Variants in BAAT observed in about 807,000 individuals in gnomAD.
BAAT encodes the protein bile acid-CoA:amino acid N-acyltransferase, also known as bile acid CoA: amino acid N-acyltransferase (glycine N-choloyltransferase).
Under a neutral mutation model 18.9 loss-of-function variants are expected in BAAT, and 13 were observed. That is an observed-to-expected ratio of 0.69 (90% CI 0.45 to 1.10). The LOEUF (loss-of-function observed/expected upper bound fraction) is 1.10, where lower values mean the gene tolerates loss of function less well. BAAT is among the 50% of genes least tolerant of loss of function. BAAT has a pLI of 0.00. For synonymous variants in BAAT, 170 were observed against 190.7 expected, an observed-to-expected ratio of 0.89 and a Z score of 0.89; for missense variants, 489 against 504.0, an observed-to-expected ratio of 0.97 and a Z score of 0.28.
rs749909768 is a variant in BAAT at position 101,371,447 on chromosome 9, C to T, written c.-43G>A. 1.3e-6 allele frequency: 2 copies of T among 1,562,854 alleles called. No homozygotes were observed. Among genetic ancestry groups the T allele is most frequent in the Non-Finnish European group, 1.7e-6 (2 of 1,147,208 alleles). ...TGGGATGATTCTTCAGGAATATCTTCAGCAAAACCTCAAAACCTCAAAAAA... is the reference window on the plus strand; with the variant it reads ...TGGGATGATTCTTCAGGAATATCTTTAGCAAAACCTCAAAACCTCAAAAAA... On this transcript the variant is annotated 5_prime_UTR_variant, in exon 2 of 4. Coordinates refer to ENST00000259407, the MANE Select transcript of BAAT (RefSeq NM_001701.4).
At chr9:101,363,373 G>T (rs1016348021) in intron 3 of BAAT, among the ~76,000 whole-genome samples, 3 of 152,114 alleles carry the variant, frequency 2.0e-5, no homozygotes, top group Admixed American at 2.0e-4. Flanking sequence ...CAGAGGAAAG[G>T]GCACCTTGTA....
intron 3 of BAAT, among the ~76,000 whole-genome samples, chr9:101,366,940 C>T (rs574877323): frequency 1.1e-4 from 17 of 151,150 alleles, no homozygotes; most frequent in Admixed American, 1.1e-3. Flanking sequence ...GGCAAAACCC[C>T]GTCTCTACTA....
chr9:101,376,496 A>G (rs1383809460), intron 1 of BAAT: 3 of 152,984 alleles, frequency 2.0e-5, no homozygotes, highest in Non-Finnish European at 4.4e-5. Context: ...GTTTGATGAT[A>G]TCATCCAAAG....
At chr9:101,372,308 AC>A (rs1443306727) in intron 1 of BAAT, among the ~76,000 whole-genome samples, 10 of 140,226 alleles carry the variant, frequency 7.1e-5, no homozygotes, top group Non-Finnish European at 1.4e-4. Flanking sequence ...AAAAAAAAAA[AC>A]CCAGAAGGAT....
Position 101,368,190 on chromosome 9 carries a change from G to A in BAAT, c.599C>T (p.Pro200Leu). ...ALAYHNYEDL[P>L]RKPEVTDLEY... ...CAAATCTGTTACTTCTGGTTTGCGGGGCAGGTCTTCATAGTTATGGTAAGC... is the reference window on the plus strand; with the variant it reads ...CAAATCTGTTACTTCTGGTTTGCGGAGCAGGTCTTCATAGTTATGGTAAGC... The change falls in exon 3 of 4, where the codon CCC becomes CTC. Residue 200 changes from proline to leucine, a missense_variant. Transcript: ENST00000259407. 1 of 1,614,154 alleles carries A rather than the reference G, an allele frequency of 6.2e-7. No individual in the cohort carries two copies. The highest frequency in any genetic ancestry group is 8.5e-7 in the Non-Finnish European group (1 of 1,180,006).
At chr9:101,363,205 C>T (rs1829768384) in intron 3 of BAAT, among the ~76,000 whole-genome samples, 190 bp from the exon 4 acceptor site, 2 of 152,100 alleles carry the variant, frequency 1.3e-5, no homozygotes, top group South Asian at 4.1e-4. Context: ...ATATGTCAAG[C>T]TTTACCGACT....
Position 101,361,231 on chromosome 9 carries a change from C to T in BAAT, c.*1197G>A, listed in dbSNP as rs1363465128. ...TGAATTAGCAGATGTTTGTATGTCT[C>T]TAGATATTTAACTGACCCACTATAT... On this transcript the variant is annotated 3_prime_UTR_variant, in exon 4 of 4. Transcript: ENST00000259407. 1.9e-5 allele frequency: 3 copies of T among 154,228 alleles called. No individual in the cohort carries two copies. Among genetic ancestry groups the T allele is most frequent in the Non-Finnish European group, 4.4e-5 (3 of 68,024 alleles). The allele number at this position is 154,228 out of a possible 1,614,324, so 9.6% of individuals were successfully genotyped here.
intron 3 of BAAT, among the ~76,000 whole-genome samples, chr9:101,366,937 C>T (rs1020451678): frequency 2.0e-5 from 3 of 151,148 alleles, no homozygotes; most frequent in African/African-American, 2.4e-5. Flanking sequence ...TATGGCAAAA[C>T]CCCGTCTCTA....
At chr9:101,363,451 G>A (rs1294875910) in intron 3 of BAAT, among the ~76,000 whole-genome samples, 1 of 151,898 alleles carries the variant, frequency 6.6e-6, no homozygotes, top group Non-Finnish European at 1.5e-5. Context: ...GATTTGCTTT[G>A]TTTTTTCCAA....
intron 1 of BAAT, among the ~76,000 whole-genome samples, chr9:101,382,876 C>T (rs1375126280): frequency 6.6e-6 from 1 of 152,094 alleles, no homozygotes; most frequent in Non-Finnish European, 1.5e-5. Context: ...CTTATACTTG[C>T]TTTTTTTGGT....
Position 101,362,631 on chromosome 9 carries a change from A to G in BAAT, c.1054T>C (p.Trp352Arg), listed in dbSNP as rs1205997279. The G allele has an allele frequency of 6.2e-7, 1 of 1,614,170 alleles. No individual in the cohort carries two copies. Among genetic ancestry groups the G allele is most frequent in the Non-Finnish European group, 8.5e-7 (1 of 1,180,028 alleles). Residue 352 changes from tryptophan to arginine, a missense_variant, in exon 4 of 4, where the codon TGG becomes CGG. Trp to Arg is a moderately radical substitution (Grantham distance 101). Transcript: ENST00000259407. ...GCCCCAGGGTAAGATAGCAGGGTCC[A>G]GTTGTTCTTCCCATGTCTCTTCAGC... is the stretch of plus-strand genomic sequence containing the variant. ...GQLKRHGKNN[W>R]TLLSYPGAGH...
rs576303165 is a variant in BAAT, at chr9:101,377,454, G to T, written c.-59-5991C>A. Among the ~76,000 whole-genome samples, 3 of 152,316 alleles carry T rather than the reference G, an allele frequency of 2.0e-5. No homozygotes were observed. In the South Asian group the frequency reaches 6.2e-4, roughly 32 times the overall value. On this transcript the variant is annotated intron_variant, in intron 1 of 3. Coordinates refer to ENST00000259407, the MANE Select transcript of BAAT (RefSeq NM_001701.4). Reference sequence around the variant, plus strand: ...TGGGAACCCAGAGGTTTTTTCACAAGAGAGGGTAAAATGGTCTGGGGGTGG... The same window carrying T: ...TGGGAACCCAGAGGTTTTTTCACAATAGAGGGTAAAATGGTCTGGGGGTGG...
At chr9:101,382,789 A>G (rs990196013) in intron 1 of BAAT, among the ~76,000 whole-genome samples, 10 of 152,220 alleles carry the variant, frequency 6.6e-5, no homozygotes, top group Non-Finnish European at 1.2e-4. Context: ...ATTTATTTCT[A>G]TACAAATATC....
chr9:101,369,583 C>T (rs761028275), intron 2 of BAAT, among the ~76,000 whole-genome samples: 7 of 152,178 alleles, frequency 4.6e-5, no homozygotes, highest in Non-Finnish European at 1.0e-4. Context: ...TAAACCAGCA[C>T]ATCATCCCAA....
chr9:101,383,199 A>G lies in BAAT; in HGVS notation c.-60+1656T>C, dbSNP rs117208323. Among the ~76,000 whole-genome samples, 155 of 152,328 alleles carry G rather than the reference A, an allele frequency of 1.0e-3. 2 individuals are homozygous for G. The East Asian group carries it at 0.02, about 20-fold the overall frequency. On this transcript the variant is annotated intron_variant, in intron 1 of 3. Coordinates refer to ENST00000259407, the MANE Select transcript of BAAT (RefSeq NM_001701.4). ...CTTCTGATAGCCTTTCATTTTCCTC[A>G]GAAATATAAATTTCAGCTCAATATC... is the stretch of plus-strand genomic sequence containing the variant.
chr9:101,376,534 TGTTGCGGGCTTTCAG>T (rs1204801260), intron 1 of BAAT: 1 of 152,446 alleles, frequency 6.6e-6, no homozygotes, highest in Admixed American at 6.5e-5. Flanking sequence ...AGATTTTCAT[TGTTGCGGGCTTTCAG>T]TGGCAGCAAT....
At position 101,362,963 on chromosome 9, in the gene BAAT, C is replaced by A; in HGVS notation, c.722G>T (p.Gly241Val). The change falls in exon 4 of 4, where the codon GGA becomes GTA. Residue 241 changes from glycine to valine, a missense_variant. Transcript: ENST00000259407. ...VVSVCQGVQI[G>V]LSMAIYLKQV... Reference sequence around the variant, plus strand: ...CTTTAGGTAAATAGCCATAGATAGTCCAATCTGTACTCCTTGACATACAGA... The same window carrying A: ...CTTTAGGTAAATAGCCATAGATAGTACAATCTGTACTCCTTGACATACAGA... 6.2e-7 allele frequency: 1 copy of A among 1,613,986 alleles called. No homozygotes were observed. The highest frequency in any genetic ancestry group is 1.3e-5 in the African/African-American group (1 of 74,986).
At chr9:101,363,607 T>C (rs1250794086) in intron 3 of BAAT, among the ~76,000 whole-genome samples, 1 of 151,456 alleles carries the variant, frequency 6.6e-6, no homozygotes, top group Non-Finnish European at 1.5e-5. Flanking sequence ...CAATCTCTTG[T>C]CATTAAGGAA....
rs192579547 is a variant in BAAT at position 101,377,982 on chromosome 9, G to A, written c.-59-6519C>T. The stretch of plus-strand genomic sequence containing the variant: ...TATTAGACAAGCAGAGAGCCAAAAC[G>A]TGAGTGAACTCCCAATCACAACTGC... On this transcript the variant is annotated intron_variant, in intron 1 of 3. Transcript: ENST00000259407. Among the ~76,000 whole-genome samples, 250 of 152,122 alleles carry A rather than the reference G, an allele frequency of 1.6e-3. 1 individual carries two copies. Among genetic ancestry groups the A allele is most frequent in the Non-Finnish European group, 2.8e-3 (190 of 67,998 alleles).
Sources: gnomAD v4.1 joint callset for allele counts (sites outside exome capture counted in the v4.1 genomes callset) on GRCh38, gnomAD v4.1.1 for gene constraint, MANE v1.5 for transcripts, NCBI Gene and HGNC (gene_info 2026-07-23, HGNC 2026-07-21) for gene names.